The following DYNC2H1 variants were observed in gnomAD, a reference collection of about 807,000 sequenced individuals.
DYNC2H1 encodes dynein cytoplasmic 2 heavy chain 1.
DYNC2H1 carries 410 observed loss-of-function variants against 570.0 expected under a neutral mutation model. That is an observed-to-expected ratio of 0.72 (90% CI 0.66 to 0.78). DYNC2H1 has a LOEUF of 0.78. Among genes scored for constraint, DYNC2H1 ranks in the 30% least tolerant of loss-of-function variants. The pLI is 0.00. For missense variants in DYNC2H1, 4,865 were observed against 5,046.4 expected (o/e 0.96, Z 1.09); for synonymous variants, 1,688 against 1,677.6 (o/e 1.01, Z -0.15).
At chr11:103,247,205 C>A (rs945234165) in intron 65 of DYNC2H1, among the ~76,000 whole-genome samples, 1 of 152,002 alleles carries the variant, frequency 6.6e-6, no homozygotes, top group Non-Finnish European at 1.5e-5. Context: ...ATTAAGCATT[C>A]TAATCCTTTA....
In DYNC2H1 at chr11:103,311,998, G is replaced by A; in HGVS notation, c.11614G>A (p.Ala3872Thr). ...HALFSLAWFH[A>T]ACQERRNYIP... ...TCTCTTCAGTCTTGCATGGTTTCAT[G>A]CTGCATGTCAAGAAAGAAGAAACTA... is the stretch of plus-strand genomic sequence containing the variant. The change falls in exon 79 of 89, where the codon GCT becomes ACT. Residue 3872 changes from alanine to threonine, a missense_variant. Physicochemically the swap from Ala to Thr is moderately conservative, Grantham distance 58. Transcript: ENST00000375735. 1 of 1,612,562 alleles carries A rather than the reference G, an allele frequency of 6.2e-7. No individual in the cohort carries two copies.
intron 83 of DYNC2H1, among the ~76,000 whole-genome samples, chr11:103,385,797 G>A (rs2135591232): frequency 6.6e-6 from 1 of 152,208 alleles, no homozygotes; most frequent in Middle Eastern, 3.4e-3. Context: ...CCTTTCAAAG[G>A]AAAGAGGACA....
In DYNC2H1 at chr11:103,266,438, G is replaced by T. The variant is rs148981847; in HGVS notation, c.10695+6461G>T. On this transcript the variant is annotated intron_variant, in intron 70 of 88. Coordinates refer to ENST00000375735, the MANE Select transcript of DYNC2H1 (RefSeq NM_001377.3). ...AGGAGCGGTCACTCAGGTCTGGGGAGCATCTTCTCTTCTCTGCACTTAGTT... is the reference window on the plus strand; with the variant it reads ...AGGAGCGGTCACTCAGGTCTGGGGATCATCTTCTCTTCTCTGCACTTAGTT... Among the ~76,000 whole-genome samples the T allele has an allele frequency of 1.3e-5, 2 of 152,020 alleles. 1 individual carries two copies. The highest frequency in any genetic ancestry group is 4.1e-4 in the South Asian group (2 of 4,826).
At chr11:103,135,662 A>G in intron 16 of DYNC2H1, 28 bp downstream of exon 16, 1 of 1,608,816 alleles carries the variant, frequency 6.2e-7, no homozygotes, top group South Asian at 1.1e-5. Flanking sequence ...CCCCAATTTA[A>G]TGTTCATTGT....
rs992727778 is a variant in DYNC2H1, at chr11:103,199,479, G to A, written c.8088+3G>A. 1.9e-6 allele frequency: 3 copies of A among 1,560,930 alleles called. No individual in the cohort carries two copies. The highest frequency in any genetic ancestry group is 2.6e-6 in the Non-Finnish European group (3 of 1,152,850). On this transcript the variant is annotated splice_donor_region_variant and intron_variant, in intron 49 of 88. Coordinates refer to ENST00000375735, the MANE Select transcript of DYNC2H1 (RefSeq NM_001377.3). This position sits in a 1 kb window ranked among gnomAD's most constrained non-coding sequence, Gnocchi z 4.6. ...AGTTCAAAAATGATCTCAAACATGT[G>A]AGTTGCCCACTCTCTTTTGCTTTAT...
intron 84 of DYNC2H1, among the ~76,000 whole-genome samples, chr11:103,423,431 A>G (rs939304649): frequency 8.3e-6 from 1 of 120,432 alleles, no homozygotes; most frequent in African/African-American, 3.3e-5. Context: ...AAAAAAAAAA[A>G]AAAAAAACCC....
intron 81 of DYNC2H1, among the ~76,000 whole-genome samples, chr11:103,322,088 G>C (rs313401): frequency 0.61 from 93,166 of 151,750 alleles, 28,569 homozygotes; most frequent in East Asian, 0.69. Context: ...CCTTAAGTAT[G>C]CTGTTTTGTT....
intron 84 of DYNC2H1, among the ~76,000 whole-genome samples, chr11:103,413,533 G>A (rs770690980): frequency 1.1e-4 from 17 of 152,108 alleles, no homozygotes; most frequent in Non-Finnish European, 2.4e-4. Context: ...TTCTGATGTT[G>A]TGATTCCTAG....
chr11:103,126,071 G>T (rs1010329198), intron 12 of DYNC2H1, among the ~76,000 whole-genome samples: 1 of 151,862 alleles, frequency 6.6e-6, no homozygotes, highest in African/African-American at 2.4e-5. Context: ...TCTTTGACTT[G>T]ATTATTATAT....
intron 70 of DYNC2H1, among the ~76,000 whole-genome samples, chr11:103,266,291 G>T (rs547593435): frequency 6.6e-6 from 1 of 152,242 alleles, no homozygotes; most frequent in South Asian, 2.1e-4. Flanking sequence ...CAGCACAGCT[G>T]CGGGGAGGGC....
chr11:103,402,446 G>A (rs1942681344), intron 84 of DYNC2H1: 1 of 152,112 alleles, frequency 6.6e-6, no homozygotes, highest in South Asian at 2.1e-4. Context: ...GTATTGGTTA[G>A]CAAGCCTAGG....
intron 35 of DYNC2H1, 89 bp from the exon 36 acceptor site, chr11:103,173,966 A>T: frequency 1.2e-6 from 1 of 823,866 alleles, no homozygotes; most frequent in Non-Finnish European, 1.9e-6. Flanking sequence ...TCTATGTGTC[A>T]GTGTTATATT....
Position 103,261,930 on chromosome 11 carries a change from T to C in DYNC2H1, c.10695+1953T>C, listed in dbSNP as rs1222127629. Among the ~76,000 whole-genome samples the C allele has an allele frequency of 6.6e-6, 1 of 152,258 alleles. No homozygotes were observed. The highest frequency in any genetic ancestry group is 1.5e-5 in the Non-Finnish European group (1 of 68,012). ...GCTAAAGGAGCATGTTCCAACCCAA[T>C]GCAAGGAAGCTAAGAACCTTGAAAA... On this transcript the variant is annotated intron_variant, in intron 70 of 88. Coordinates refer to ENST00000375735, the MANE Select transcript of DYNC2H1 (RefSeq NM_001377.3). The surrounding 1 kb of genome is among the most constrained non-coding windows in gnomAD (Gnocchi z 4.8).
chr11:103,421,539 CAAGATT>C (rs780979406), intron 84 of DYNC2H1, among the ~76,000 whole-genome samples: 16 of 152,076 alleles, frequency 1.1e-4, no homozygotes, highest in Non-Finnish European at 2.1e-4. Context: ...AATTAGAACT[CAAGATT>C]AAGAAATTAA....
At chr11:103,339,224 C>T (rs900878935) in intron 82 of DYNC2H1, among the ~76,000 whole-genome samples, 3 of 151,956 alleles carry the variant, frequency 2.0e-5, no homozygotes, top group Non-Finnish European at 4.4e-5. Context: ...AGGGGTGATA[C>T]CTGCAGTCCT....
Position 103,391,461 on chromosome 11 carries a change from A to T in DYNC2H1, c.12157-8202A>T, listed in dbSNP as rs186393511. Among the ~76,000 whole-genome samples the T allele has an allele frequency of 3.0e-3, 451 of 152,220 alleles. 1 individual carries two copies. Among genetic ancestry groups the T allele is most frequent in the African/African-American group, 9.9e-3 (411 of 41,538 alleles). ...GTTCAGACTTCCTCCTTTAGCTCGG[A>T]GAAGTTTGATTGTTTGAAGCCTACT... On this transcript the variant is annotated intron_variant, in intron 83 of 88. Coordinates refer to ENST00000375735, the MANE Select transcript of DYNC2H1 (RefSeq NM_001377.3).
At position 103,205,014 on chromosome 11, in the gene DYNC2H1, G is replaced by C; in HGVS notation, c.8454+50G>C. The C allele has an allele frequency of 6.6e-7, 1 of 1,510,064 alleles. No individual in the cohort carries two copies. Among genetic ancestry groups the C allele is most frequent in the Non-Finnish European group, 8.9e-7 (1 of 1,122,640 alleles). 93.5% of individuals were successfully genotyped at this position (1,510,064 alleles called of 1,614,324 possible). On this transcript the variant is annotated intron_variant, in intron 52 of 88. Transcript: ENST00000375735. The surrounding 1 kb of genome is among the most constrained non-coding windows in gnomAD (Gnocchi z 4.5). Reference sequence around the variant, plus strand: ...TTTAAAAGCACATTTTATTTTTGAAGTTATTGATTTTCACAACTTCTCTTT... The same window carrying C: ...TTTAAAAGCACATTTTATTTTTGAACTTATTGATTTTCACAACTTCTCTTT...
chr11:103,223,053 A>G lies in DYNC2H1; in HGVS notation c.9320A>G (p.His3107Arg). ...TATTCCCATGTCTTGGAACGAATTC[A>G]TCCTTTGGAAACTGAACAGGCAGGA... is the stretch of plus-strand genomic sequence containing the variant. ...IQYSHVLERI[H>R]PLETEQAGLE... Residue 3107 changes from histidine to arginine, a missense_variant, in exon 59 of 89, where the codon CAT becomes CGT. Coordinates refer to ENST00000375735, the MANE Select transcript of DYNC2H1 (RefSeq NM_001377.3). 3.7e-6 allele frequency: 6 copies of G among 1,613,220 alleles called. No homozygotes were observed. The highest frequency in any genetic ancestry group is 1.7e-4 in the Middle Eastern group (1 of 6,058).
At chr11:103,207,408 G>T (rs1463199573) in intron 52 of DYNC2H1, among the ~76,000 whole-genome samples, 1 of 152,066 alleles carries the variant, frequency 6.6e-6, no homozygotes, top group South Asian at 2.1e-4. Flanking sequence ...TTAAGGATCG[G>T]CATTTCCTAT....
Sources: allele counts gnomAD v4.1 joint callset (sites outside exome capture counted in the v4.1 genomes callset), GRCh38; gene constraint gnomAD v4.1.1; non-coding constraint Gnocchi (gnomAD v3.1); transcripts MANE v1.5; gene names NCBI Gene and HGNC (gene_info 2026-07-23, HGNC 2026-07-21).